Variants in PRRC2C observed in about 807,000 individuals in gnomAD.
PRRC2C encodes proline rich coiled-coil 2C.
A neutral mutation model predicts 317.2 loss-of-function variants in PRRC2C; 72 were observed. That is an observed-to-expected ratio of 0.23 (90% CI 0.19 to 0.28). PRRC2C has a LOEUF of 0.28. Among genes scored for constraint, PRRC2C ranks in the 10% least tolerant of loss-of-function variants. The probability of loss-of-function intolerance (pLI) is 1.00; values close to 1 mark genes in which losing one functional copy is unlikely to be tolerated. For missense variants in PRRC2C, 3,074 were observed against 3,459.7 expected, an observed-to-expected ratio of 0.89 and a Z score of 2.80; for synonymous variants, 1,296 against 1,205.9, an observed-to-expected ratio of 1.07 and a Z score of -1.55.
At chr1:171,542,628 T>C (rs539500217) in intron 16 of PRRC2C, among the ~76,000 whole-genome samples, 143 of 152,372 alleles carry the variant, frequency 9.4e-4, no homozygotes, top group African/African-American at 3.3e-3. Context: ...TATAACCATA[T>C]ACTTTGTCAC....
At chr1:171,535,385 G>A in intron 12 of PRRC2C, 43 bp from the exon 13 acceptor site, 1 of 1,553,264 alleles carries the variant, frequency 6.4e-7, no homozygotes, top group Non-Finnish European at 8.7e-7. Context: ...TTTGATAAGT[G>A]TCATAGATGA....
At chr1:171,501,992 G>T (rs1400885923) in intron 1 of PRRC2C, among the ~76,000 whole-genome samples, 4 of 152,120 alleles carry the variant, frequency 2.6e-5, no homozygotes, top group Admixed American at 2.6e-4. Flanking sequence ...TGGGGGTCTT[G>T]CTGGTATTGC....
At chr1:171,530,560 A>T (rs546277954) in intron 11 of PRRC2C, among the ~76,000 whole-genome samples, 6 of 149,160 alleles carry the variant, frequency 4.0e-5, no homozygotes, top group South Asian at 2.1e-4. Context: ...CCGTATTTTT[A>T]TTTTTTTTTT....
intron 1 of PRRC2C, among the ~76,000 whole-genome samples, chr1:171,498,396 T>C (rs1668498838): frequency 6.6e-6 from 1 of 152,192 alleles, no homozygotes; most frequent in Non-Finnish European, 1.5e-5. Flanking sequence ...CAGAAGTGCA[T>C]AGCTAGTTCC....
intron 1 of PRRC2C, among the ~76,000 whole-genome samples, chr1:171,495,776 G>T (rs1427886749): frequency 6.6e-6 from 1 of 152,074 alleles, no homozygotes; most frequent in Non-Finnish European, 1.5e-5. Flanking sequence ...ATAAAATTCT[G>T]GTTTTTGAAG....
At position 171,543,346 on chromosome 1, in the gene PRRC2C, T is replaced by C. The variant is rs1278128975; in HGVS notation, c.4763+1117T>C. On this transcript the variant is annotated intron_variant, in intron 16 of 34. Coordinates refer to ENST00000647382, the MANE Select transcript of PRRC2C (RefSeq NM_001387844.1). ...TCAAAAAAAAAAAAAAAAAAGTTGG[T>C]TATAGTAAGCTAGTATTGATTTATT... Among the ~76,000 whole-genome samples the C allele has an allele frequency of 4.0e-5, 6 of 150,602 alleles. No individual in the cohort carries two copies. In the East Asian group the frequency reaches 9.8e-4, roughly 25 times the overall value.
At position 171,517,750 on chromosome 1, in the gene PRRC2C, A is replaced by G; in HGVS notation, c.686A>G (p.Gln229Arg). 6.2e-7 allele frequency: 1 copy of G among 1,613,874 alleles called. No homozygotes were observed. ...VEKRIACGPP[Q>R]AKLNGQQAAL... ...AAGAGGATAGCTTGTGGTCCTCCAC[A>G]GGCTAAACTGAATGGACAGCAGGCT... The change falls in exon 6 of 35, where the codon CAG becomes CGG. Residue 229 changes from glutamine (Q) to arginine (R), a missense_variant. Around this residue, in one of 11 missense-constraint regions of PRRC2C, gnomAD observed 237 missense variants for 199.5 expected, o/e 1.19. Transcript: ENST00000647382.
Position 171,540,974 on chromosome 1 carries a change from A to G in PRRC2C, c.3508A>G (p.Arg1170Gly), listed in dbSNP as rs1677844439. Residue 1170 changes from arginine (R) to glycine (G), a missense_variant, in exon 16 of 35, where the codon AGG (arginine) becomes GGG (glycine). Around this residue, in one of 11 missense-constraint regions of PRRC2C, gnomAD observed 1,320 missense variants for 1,395.7 expected, o/e 0.95. Transcript: ENST00000647382. Reference sequence around the variant, plus strand: ...TAAAAAAGAATCAACTTTGCCTCCCAGGACCTATTGGAAAGAAGCTAGAGA... The same window carrying G: ...TAAAAAAGAATCAACTTTGCCTCCCGGGACCTATTGGAAAGAAGCTAGAGA... Reference protein sequence around the residue: ...AVKKESTLPPRTYWKEARERD... With the variant: ...AVKKESTLPPGTYWKEARERD... The G allele has an allele frequency of 6.2e-7, 1 of 1,613,904 alleles. No individual in the cohort carries two copies. Among genetic ancestry groups the G allele is most frequent in the African/African-American group, 1.3e-5 (1 of 74,934 alleles).
At chr1:171,528,718 G>A (rs1373322857) in intron 11 of PRRC2C, among the ~76,000 whole-genome samples, 2 of 152,160 alleles carry the variant, frequency 1.3e-5, no homozygotes, top group African/African-American at 4.8e-5. Flanking sequence ...AGTCAGTGAT[G>A]ACTTCCATCT....
chr1:171,549,768 G>C (rs1367446065), intron 17 of PRRC2C, among the ~76,000 whole-genome samples: 1 of 152,006 alleles, frequency 6.6e-6, no homozygotes, highest in East Asian at 1.9e-4. Flanking sequence ...TGCCATGTTG[G>C]CCAGGCTGGT....
intron 1 of PRRC2C, among the ~76,000 whole-genome samples, chr1:171,495,685 G>A (rs1667962940): frequency 6.6e-6 from 1 of 152,184 alleles, no homozygotes; most frequent in African/African-American, 2.4e-5. Context: ...TTTTGTGGAT[G>A]CTGATTCACT....
intron 24 of PRRC2C, among the ~76,000 whole-genome samples, chr1:171,573,376 C>T (rs530406789): frequency 6.6e-6 from 1 of 152,186 alleles, no homozygotes; most frequent in African/African-American, 2.4e-5. Context: ...ACAAAATTGG[C>T]ATAAAAGACA....
At chr1:171,508,719 G>C (rs1571657545) in intron 1 of PRRC2C, among the ~76,000 whole-genome samples, 1 of 152,244 alleles carries the variant, frequency 6.6e-6, no homozygotes, top group Middle Eastern at 3.4e-3. Context: ...TAGTTGTAAC[G>C]TTGGACATTT....
At chr1:171,518,309 T>G (rs1672765253) in intron 6 of PRRC2C, among the ~76,000 whole-genome samples, 1 of 152,152 alleles carries the variant, frequency 6.6e-6, no homozygotes, top group Admixed American at 6.5e-5. Flanking sequence ...CTTTGCAATA[T>G]TTTTGTATTT....
intron 1 of PRRC2C, among the ~76,000 whole-genome samples, chr1:171,500,403 A>G (rs1557863869): frequency 6.6e-6 from 1 of 151,824 alleles, no homozygotes; most frequent in Non-Finnish European, 1.5e-5. Flanking sequence ...TTTAATTGTA[A>G]TTTTTTTCAT....
chr1:171,570,107 A>G (rs1684493723), intron 23 of PRRC2C, among the ~76,000 whole-genome samples: 5 of 152,166 alleles, frequency 3.3e-5, no homozygotes. Flanking sequence ...GTTAGGGAGC[A>G]TTATAAATGG....
chr1:171,517,596 G>C lies in PRRC2C; in HGVS notation c.532G>C (p.Ala178Pro). 2 of 1,610,710 alleles carry C rather than the reference G, an allele frequency of 1.2e-6. No homozygotes were observed. Among genetic ancestry groups the C allele is most frequent in the Non-Finnish European group, 1.7e-6 (2 of 1,178,450 alleles). Residue 178 changes from alanine to proline, a missense_variant, in exon 6 of 35, where the codon GCT (alanine) becomes CCT (proline). Transcript: ENST00000647382. Reference protein sequence around the residue: ...PGPSLRPPNVACWRDGGKAAG... With the variant: ...PGPSLRPPNVPCWRDGGKAAG... Reference sequence around the variant, plus strand: ...TTTCTCTGCCTTCATACTAGATGTTGCTTGTTGGAGAGATGGTGGTAAGGC... The same window carrying C: ...TTTCTCTGCCTTCATACTAGATGTTCCTTGTTGGAGAGATGGTGGTAAGGC...
chr1:171,501,044 G>A (rs1182012511), intron 1 of PRRC2C, among the ~76,000 whole-genome samples: 4 of 152,076 alleles, frequency 2.6e-5, no homozygotes, highest in African/African-American at 4.8e-5. Context: ...GACTGCAGGC[G>A]TGTGCCACCA....
At chr1:171,550,782 G>A (rs1297730622) in intron 18 of PRRC2C, among the ~76,000 whole-genome samples, 1 of 152,044 alleles carries the variant, frequency 6.6e-6, no homozygotes, top group East Asian at 1.9e-4. Flanking sequence ...CCATGTCCCT[G>A]CAAAGGACAT....
Sources: gnomAD v4.1 joint callset for allele counts (sites outside exome capture counted in the v4.1 genomes callset) on GRCh38, gnomAD v4.1.1 for gene constraint, gnomAD v4.1.1 regional missense constraint, MANE v1.5 for transcripts, NCBI Gene and HGNC (gene_info 2026-07-23, HGNC 2026-07-21) for gene names.